SPTA1: variants seen among roughly 807,000 people sequenced by gnomAD.
SPTA1 encodes the protein spectrin alpha, erythrocytic 1.
In SPTA1, 177 loss-of-function variants were observed where a neutral mutation model predicts 324.7. The observed-to-expected ratio is 0.55, with a 90% CI of 0.48 to 0.62. The LOEUF is 0.62. Among genes scored for constraint, SPTA1 ranks in the 20% least tolerant of loss-of-function variants. SPTA1 has a pLI of 0.00. For synonymous variants in SPTA1, 1,195 were observed against 1,041.3 expected (o/e 1.15, Z -2.84); for missense variants, 3,162 against 2,883.6 (o/e 1.10, Z -2.21).
At chr1:158,664,885 C>A (rs1156355630) in intron 16 of SPTA1, among the ~76,000 whole-genome samples, 1 of 152,198 alleles carries the variant, frequency 6.6e-6, no homozygotes, top group Non-Finnish European at 1.5e-5. Flanking sequence ...ATATCTGGCT[C>A]ATATACTTGG....
chr1:158,666,248 T>TAATTAATAAG, intron 16 of SPTA1, 68 bp downstream of exon 16: 1 of 1,534,538 alleles, frequency 6.5e-7, no homozygotes, highest in Non-Finnish European at 9.0e-7. Flanking sequence ...TACTTATTAC[T>TAATTAATAAG]TAATAACGAG....
In SPTA1 at chr1:158,666,635, T is replaced by G. The variant is rs546439762; in HGVS notation, c.2039-138A>C. On this transcript the variant is annotated intron_variant, in intron 15 of 51. Transcript: ENST00000643759. ...GGGAAATATAACTGTCTCACATGTC[T>G]CACAAAAAGTCATCTTAAATTTGTA... 42 of 781,008 alleles carry G rather than the reference T, an allele frequency of 5.4e-5. No homozygotes were observed. The South Asian group carries it at 5.8e-4, about 11-fold the overall frequency. 48.4% of individuals were successfully genotyped at this position (781,008 alleles called of 1,614,324 possible). A position where few individuals can be genotyped will look rare whatever the true frequency, so the allele number is the denominator to read the frequency against.
rs928774167 is a variant in SPTA1, at chr1:158,621,107, G to A, written c.6121-641C>T. Among the ~76,000 whole-genome samples the A allele has an allele frequency of 9.9e-5, 15 of 152,002 alleles. 2 individuals are homozygous for A. Among genetic ancestry groups the A allele is most frequent in the Admixed American group, 9.8e-4 (15 of 15,248 alleles). On this transcript the variant is annotated intron_variant, in intron 43 of 51. Transcript: ENST00000643759. ...ACCTGTATCCTTAGCACAAATATAT[G>A]TATCATTGTATTACTGTCTGGCATT...
Position 158,652,451 on chromosome 1 carries a change from G to A in SPTA1, c.3375+16C>T, listed in dbSNP as rs1482418881. 3 of 1,613,730 alleles carry A rather than the reference G, an allele frequency of 1.9e-6. No homozygotes were observed. Among genetic ancestry groups the A allele is most frequent in the Admixed American group, 1.7e-5 (1 of 60,012 alleles). On this transcript the variant is annotated intron_variant, in intron 23 of 51. Transcript: ENST00000643759. ...CAAACAATGGCAACCTTCAAGAGAA[G>A]GTTCCTCTTTCTCACCTTTTGGAAC...
At chr1:158,628,592 A>G (rs1650448784) in intron 39 of SPTA1, among the ~76,000 whole-genome samples, 1 of 152,172 alleles carries the variant, frequency 6.6e-6, no homozygotes, top group Admixed American at 6.5e-5. Context: ...TTTTTTGAAG[A>G]AACGGTAAAT....
At position 158,652,479 on chromosome 1, in the gene SPTA1, A is replaced by C; in HGVS notation, c.3363T>G (p.Asp1121Glu). The C allele has an allele frequency of 1.9e-6, 3 of 1,614,186 alleles. No individual in the cohort carries two copies. The highest frequency in any genetic ancestry group is 2.5e-6 in the Non-Finnish European group (3 of 1,180,020). Residue 1121 changes from aspartate to glutamate, a missense_variant, in exon 23 of 52, where the codon GAT (aspartate) becomes GAG (glutamate). Coordinates refer to ENST00000643759, the MANE Select transcript of SPTA1 (RefSeq NM_003126.4). ...DDVWELQKKF[D>E]EFQKDLNTNE... Reference sequence around the variant, plus strand: ...TCCTCTTTCTCACCTTTTGGAACTCATCAAACTTTTTCTGCAGCTCCCAAA... The same window carrying C: ...TCCTCTTTCTCACCTTTTGGAACTCCTCAAACTTTTTCTGCAGCTCCCAAA...
intron 14 of SPTA1, 86 bp from the exon 15 acceptor site, chr1:158,668,148 A>G: frequency 2.1e-6 from 3 of 1,420,654 alleles, no homozygotes; most frequent in East Asian, 2.3e-5. Context: ...ACTTCTCACT[A>G]TAAATCTAAC....
intron 7 of SPTA1, 48 bp from the exon 8 acceptor site, chr1:158,676,343 CCCCCTGGCAAAG>C (rs767740008): frequency 1.9e-6 from 3 of 1,607,182 alleles, no homozygotes; most frequent in Admixed American, 3.3e-5. Context: ...TACTCTGACT[CCCCCTGGCAAAG>C]CTTTGTGGGA....
chr1:158,640,960 G>C (rs1346456035), intron 33 of SPTA1, among the ~76,000 whole-genome samples: 7 of 152,058 alleles, frequency 4.6e-5, no homozygotes, highest in East Asian at 1.9e-4. Context: ...CCAAAACAGA[G>C]ATATAGACCA....
chr1:158,654,870 A>T, intron 20 of SPTA1, 122 bp from the exon 21 acceptor site: 1 of 1,325,298 alleles, frequency 7.5e-7, no homozygotes, highest in Non-Finnish European at 1.1e-6. Flanking sequence ...GGAACCTCTT[A>T]CGTGGCTGCA....
rs762005637 is a variant in SPTA1, at chr1:158,661,365, C to T, written c.2509G>A (p.Val837Ile). 4.3e-6 allele frequency: 7 copies of T among 1,613,896 alleles called. No individual in the cohort carries two copies. The highest frequency in any genetic ancestry group is 2.2e-5 in the East Asian group (1 of 44,854). The change falls in exon 18 of 52, where the codon GTC becomes ATC. Residue 837 changes from valine (V) to isoleucine (I), a missense_variant. Val to Ile is a conservative substitution (Grantham distance 29). Coordinates refer to ENST00000643759, the MANE Select transcript of SPTA1 (RefSeq NM_003126.4). Reference sequence around the variant, plus strand: ...TGGCTGGCAATGTTCTCCAGGATGACTCTATGCCTATTCAGAAGCTTTTTG... The same window carrying T: ...TGGCTGGCAATGTTCTCCAGGATGATTCTATGCCTATTCAGAAGCTTTTTG... ...ASKKLLNRHR[V>I]ILENIASHEP... is the part of the protein sequence containing the mutation.
intron 42 of SPTA1, among the ~76,000 whole-genome samples, chr1:158,623,539 T>A (rs1650061347): frequency 6.6e-6 from 1 of 152,196 alleles, no homozygotes; most frequent in Non-Finnish European, 1.5e-5. Flanking sequence ...GTTACTCTCA[T>A]GCTGTTCTTG....
chr1:158,660,975 T>C (rs2022382), intron 18 of SPTA1, among the ~76,000 whole-genome samples: 4,520 of 152,252 alleles, frequency 0.03, 215 homozygotes, highest in African/African-American at 0.1. Flanking sequence ...ATTTAATTCA[T>C]AGGGCTTTGT....
intron 39 of SPTA1, among the ~76,000 whole-genome samples, chr1:158,632,853 T>C (rs1571404235): frequency 6.6e-6 from 1 of 152,114 alleles, no homozygotes; most frequent in African/African-American, 2.4e-5. Context: ...AATAGACTTA[T>C]GTTTGCATTA....
rs550726190 is a variant in SPTA1 at position 158,646,159 on chromosome 1, G to A, written c.3897-565C>T. On this transcript the variant is annotated intron_variant, in intron 27 of 51. Transcript: ENST00000643759. The stretch of plus-strand genomic sequence containing the variant: ...CCTCCACACTGTTGATTAAATCAAG[G>A]TCTATTTCCCTACCCTTTTAGTAGT... Among the ~76,000 whole-genome samples, 6 of 152,134 alleles carry A rather than the reference G, an allele frequency of 3.9e-5. No individual in the cohort carries two copies. In the South Asian group the frequency reaches 1.2e-3, roughly 32 times the overall value.
intron 41 of SPTA1, among the ~76,000 whole-genome samples, chr1:158,626,631 T>C (rs1650288907): frequency 6.6e-6 from 1 of 152,158 alleles, no homozygotes; most frequent in Non-Finnish European, 1.5e-5. Context: ...TCATCATTTC[T>C]ATCTCTTTCT....
intron 33 of SPTA1, 115 bp from the exon 34 acceptor site, chr1:158,640,122 T>C: frequency 7.8e-7 from 1 of 1,278,168 alleles, no homozygotes; most frequent in Non-Finnish European, 1.1e-6. Flanking sequence ...AATTTGCTGA[T>C]ACTTGAATAT....
At chr1:158,653,708 T>A (rs1344702382) in intron 21 of SPTA1, among the ~76,000 whole-genome samples, 1 of 152,162 alleles carries the variant, frequency 6.6e-6, no homozygotes, top group Non-Finnish European at 1.5e-5. Context: ...TGGGGCACTT[T>A]GTTCATGAGG....
intron 11 of SPTA1, 83 bp downstream of exon 11, chr1:158,671,976 G>C: frequency 6.4e-7 from 1 of 1,554,452 alleles, no homozygotes; most frequent in Non-Finnish European, 8.8e-7. Flanking sequence ...AGGAGTGGTT[G>C]TGAGGGAACT....
Sources: allele counts gnomAD v4.1 joint callset (sites outside exome capture counted in the v4.1 genomes callset), GRCh38; gene constraint gnomAD v4.1.1; transcripts MANE v1.5; gene names NCBI Gene and HGNC (gene_info 2026-07-23, HGNC 2026-07-21).